The following PCDHGA10 variants were observed in gnomAD, a reference collection of about 807,000 sequenced individuals.
PCDHGA10 encodes protocadherin gamma subfamily A, 10.
A neutral mutation model predicts 59.5 loss-of-function variants in PCDHGA10; 42 were observed. The observed-to-expected ratio is 0.71, with a 90% CI of 0.55 to 0.91. The LOEUF is 0.91. Ranked by LOEUF, PCDHGA10 falls within the 40% of genes least tolerant of loss-of-function variation. PCDHGA10 has a pLI of 0.00. For missense variants in PCDHGA10, 1,111 were observed against 1,198.2 expected, an observed-to-expected ratio of 0.93 and a Z score of 1.07; for synonymous variants, 511 against 517.2, an observed-to-expected ratio of 0.99 and a Z score of 0.16.
At chr5:141,448,926 C>T (rs528128105) in intron 1 of PCDHGA10, among the ~76,000 whole-genome samples, 5 of 152,256 alleles carry the variant, frequency 3.3e-5, no homozygotes, top group African/African-American at 9.6e-5. Context: ...GCCTGGGCGA[C>T]AGAGCAAGAC....
chr5:141,422,715 T>C, intron 1 of PCDHGA10: 7 of 1,603,978 alleles, frequency 4.4e-6, no homozygotes, highest in African/African-American at 1.3e-5. Context: ...CGGATGACAC[T>C]GTCCAGGGGG....
Position 141,477,678 on chromosome 5 carries a change from C to T in PCDHGA10, c.2437-17129C>T, listed in dbSNP as rs967769574. ...AATCGTGACAATGGCATAGTGTCAT[C>T]CTTAGTGCCCCTAGACTATGAGGAT... On this transcript the variant is annotated intron_variant, in intron 1 of 3. Coordinates refer to ENST00000398610, the MANE Select transcript of PCDHGA10 (RefSeq NM_018913.3). This position sits in a 1 kb window ranked among gnomAD's most constrained non-coding sequence, Gnocchi z 4.9. 9.9e-6 allele frequency: 16 copies of T among 1,614,182 alleles called. No homozygotes were observed. The highest frequency in any genetic ancestry group is 1.1e-5 in the Non-Finnish European group (13 of 1,180,046).
chr5:141,421,829 T>C, intron 1 of PCDHGA10: 1 of 1,613,784 alleles, frequency 6.2e-7, no homozygotes, highest in Non-Finnish European at 8.5e-7. Flanking sequence ...GAGGGAAGCC[T>C]GGACCGAGAG....
At chr5:141,430,853 C>G (rs769009864) in intron 1 of PCDHGA10, 2 of 1,587,214 alleles carry the variant, frequency 1.3e-6, no homozygotes, top group Non-Finnish European at 1.7e-6. Flanking sequence ...CACCCAGATA[C>G]GCTATTCAGT....
intron 2 of PCDHGA10, among the ~76,000 whole-genome samples, chr5:141,497,602 C>T (rs948023459): frequency 2.0e-5 from 3 of 148,260 alleles, no homozygotes; most frequent in East Asian, 2.0e-4. Flanking sequence ...TGCAGTGGTG[C>T]GATCTTGGCT....
chr5:141,495,470 C>A (rs2099761615), intron 2 of PCDHGA10, among the ~76,000 whole-genome samples: 1 of 152,196 alleles, frequency 6.6e-6, no homozygotes, highest in African/African-American at 2.4e-5. Flanking sequence ...GTGGGGTCTC[C>A]GTGTCTCTGC....
chr5:141,418,969 A>C, intron 1 of PCDHGA10: 1 of 1,614,028 alleles, frequency 6.2e-7, no homozygotes, highest in Non-Finnish European at 8.5e-7. Flanking sequence ...CCCTCTTCAA[A>C]ACACGGGACC....
chr5:141,509,819 C>T (rs1008625658), intron 3 of PCDHGA10, among the ~76,000 whole-genome samples: 3 of 152,154 alleles, frequency 2.0e-5, no homozygotes, highest in African/African-American at 7.2e-5. Context: ...AGCTCTTCTC[C>T]ATCTTCTCTC....
intron 1 of PCDHGA10, among the ~76,000 whole-genome samples, chr5:141,461,980 C>G (rs759291534): frequency 9.2e-5 from 14 of 152,176 alleles, no homozygotes; most frequent in Non-Finnish European, 1.5e-4. Flanking sequence ...TATGCCACCA[C>G]GCCAGGCTAA....
rs765263883 is a variant in PCDHGA10 at position 141,491,018 on chromosome 5, C to T, written c.2437-3789C>T. On this transcript the variant is annotated intron_variant, in intron 1 of 3. Coordinates refer to ENST00000398610, the MANE Select transcript of PCDHGA10 (RefSeq NM_018913.3). This position sits in a 1 kb window ranked among gnomAD's most constrained non-coding sequence, Gnocchi z 6.9. The stretch of plus-strand genomic sequence containing the variant: ...CCTGGCTCCTTGGTCACCAAGGTGA[C>T]AGCCGTGGATGCTGATGCAGGCCAC... 1.2e-6 allele frequency: 2 copies of T among 1,614,146 alleles called. No individual in the cohort carries two copies. The highest frequency in any genetic ancestry group is 1.7e-6 in the Non-Finnish European group (2 of 1,180,042).
Position 141,485,950 on chromosome 5 carries a change from G to A in PCDHGA10, c.2437-8857G>A. ...TGTTGGAGAGCGCACCAGCGGGCAT[G>A]GTGCTCATCCAGCTCAATGCCTCAG... On this transcript the variant is annotated intron_variant, in intron 1 of 3. Transcript: ENST00000398610. The surrounding 1 kb of genome is among the most constrained non-coding windows in gnomAD (Gnocchi z 5.7). 6.2e-7 allele frequency: 1 copy of A among 1,614,184 alleles called. No individual in the cohort carries two copies. The highest frequency in any genetic ancestry group is 8.5e-7 in the Non-Finnish European group (1 of 1,180,030).
rs755863653 is a variant in PCDHGA10 at position 141,422,228 on chromosome 5, TG to T, written c.2436+6618del. 2.3e-5 allele frequency: 36 copies of T among 1,565,448 alleles called. No individual in the cohort carries two copies. The Middle Eastern group carries it at 8.6e-4, about 37-fold the overall frequency. ...GGAGGTCTCTTTACCACCACGACGA[TG>T]TTGATCACTGTTGTGGATGTGAATG... On this transcript the variant is annotated intron_variant, in intron 1 of 3. Transcript: ENST00000398610.
At chr5:141,488,239 G>A (rs576918071) in intron 1 of PCDHGA10, among the ~76,000 whole-genome samples, 3 of 152,222 alleles carry the variant, frequency 2.0e-5, no homozygotes, top group South Asian at 4.1e-4. Context: ...AACTAGATGC[G>A]GTAAATTGGA....
At position 141,487,915 on chromosome 5, in the gene PCDHGA10, G is replaced by T; in HGVS notation, c.2437-6892G>T. The T allele has an allele frequency of 1.5e-6, 1 of 655,128 alleles. No homozygotes were observed. Among genetic ancestry groups the T allele is most frequent in the Middle Eastern group, 3.5e-4 (1 of 2,862 alleles). The allele number at this position is 655,128 out of a possible 1,614,324, so 40.6% of individuals were successfully genotyped here. ...GATGATGGAATGTGGGAGCACAGGA[G>T]GCTACAGTGCACAGGGTACAGTGCA... On this transcript the variant is annotated intron_variant, in intron 1 of 3. Coordinates refer to ENST00000398610, the MANE Select transcript of PCDHGA10 (RefSeq NM_018913.3). This position sits in a 1 kb window ranked among gnomAD's most constrained non-coding sequence, Gnocchi z 5.0.
rs192747939 is a variant in PCDHGA10 at position 141,487,483 on chromosome 5, T to A, written c.2437-7324T>A. ...TTGTTGATGTGGGAGGCCACTCTCA[T>A]GGCTGTACACCCTTGGCTTCTGCAC... On this transcript the variant is annotated intron_variant, in intron 1 of 3. Transcript: ENST00000398610. This position sits in a 1 kb window ranked among gnomAD's most constrained non-coding sequence, Gnocchi z 5.0. 1 of 1,614,224 alleles carries A rather than the reference T, an allele frequency of 6.2e-7. No individual in the cohort carries two copies. The highest frequency in any genetic ancestry group is 1.1e-5 in the South Asian group (1 of 91,084).
At chr5:141,509,908 G>A (rs376035312) in intron 3 of PCDHGA10, among the ~76,000 whole-genome samples, 1 of 152,164 alleles carries the variant, frequency 6.6e-6, no homozygotes, top group African/African-American at 2.4e-5. Flanking sequence ...TCCAGCATGC[G>A]CTTAGGTACA....
chr5:141,476,317 G>T lies in PCDHGA10; in HGVS notation c.2437-18490G>T, dbSNP rs759809060. ...GTAGCCTCTCAGCCCGCAGGTTCCG[G>T]GTGGTGTCTGGAGCTAGCCGAAGAT... On this transcript the variant is annotated intron_variant, in intron 1 of 3. Transcript: ENST00000398610. This position sits in a 1 kb window ranked among gnomAD's most constrained non-coding sequence, Gnocchi z 7.6. 1.9e-6 allele frequency: 3 copies of T among 1,614,170 alleles called. No individual in the cohort carries two copies. The highest frequency in any genetic ancestry group is 1.7e-5 in the Admixed American group (1 of 60,024).
Position 141,485,550 on chromosome 5 carries a change from TG to T in PCDHGA10, c.2437-9256del. On this transcript the variant is annotated intron_variant, in intron 1 of 3. Coordinates refer to ENST00000398610, the MANE Select transcript of PCDHGA10 (RefSeq NM_018913.3). The surrounding 1 kb of genome is among the most constrained non-coding windows in gnomAD (Gnocchi z 5.7). ...CGAGCAGAGGTAGAGATCGTAGATGTGAATGATCACGCCCCCCGTTTTCCGC... is the reference window on the plus strand; with the variant it reads ...CGAGCAGAGGTAGAGATCGTAGATGTAATGATCACGCCCCCCGTTTTCCGC... The T allele has an allele frequency of 6.2e-7, 1 of 1,613,820 alleles. No individual in the cohort carries two copies.
At chr5:141,456,336 G>A (rs2098850873) in intron 1 of PCDHGA10, among the ~76,000 whole-genome samples, 1 of 152,242 alleles carries the variant, frequency 6.6e-6, no homozygotes, top group Non-Finnish European at 1.5e-5. Context: ...TGATCTAAGG[G>A]TCCTCGGAAG....
Sources: gnomAD v4.1 joint callset for allele counts (sites outside exome capture counted in the v4.1 genomes callset) on GRCh38, gnomAD v4.1.1 for gene constraint, Gnocchi (gnomAD v3.1) non-coding constraint, MANE v1.5 for transcripts, NCBI Gene and HGNC (gene_info 2026-07-23, HGNC 2026-07-21) for gene names.